The following KLHL32 variants were observed in gnomAD, a reference collection of about 807,000 sequenced individuals.
KLHL32 encodes the protein kelch-like protein 32.
KLHL32 carries 35 observed loss-of-function variants against 64.8 expected under a neutral mutation model. That is an observed-to-expected ratio of 0.54 (90% CI 0.41 to 0.72). The LOEUF is 0.72. KLHL32 is among the 30% of genes least tolerant of loss of function. The probability of loss-of-function intolerance (pLI) is 0.00; values close to 1 mark genes in which losing one functional copy is unlikely to be tolerated. For synonymous variants in KLHL32, 259 were observed against 281.0 expected, an observed-to-expected ratio of 0.92 and a Z score of 0.78; for missense variants, 589 against 768.5, an observed-to-expected ratio of 0.77 and a Z score of 2.76.
chr6:96,924,417 G>C (rs1307552905), upstream of KLHL32, among the ~76,000 whole-genome samples: 1 of 150,546 alleles, frequency 6.6e-6, no homozygotes, highest in African/African-American at 2.4e-5. Flanking sequence ...GGGCGGCGTG[G>C]AGGAGGGTAC....
At chr6:97,059,721 G>C (rs932565448) in intron 4 of KLHL32, among the ~76,000 whole-genome samples, 4 of 152,178 alleles carry the variant, frequency 2.6e-5, no homozygotes, top group Non-Finnish European at 2.9e-5. Flanking sequence ...CTCATAGCTA[G>C]ATAGATCTTG....
intron 7 of KLHL32, 67 bp from the exon 8 acceptor site, chr6:97,127,337 C>A (rs1252813385): frequency 7.7e-7 from 1 of 1,302,230 alleles, no homozygotes; most frequent in South Asian, 1.2e-5. Context: ...AATTGTATCT[C>A]ATTCTTATGT....
At chr6:96,991,773 A>G (rs944101313) in intron 3 of KLHL32, among the ~76,000 whole-genome samples, 1 of 152,018 alleles carries the variant, frequency 6.6e-6, no homozygotes, top group African/African-American at 2.4e-5. Context: ...CCCTTCCAAG[A>G]AAGTGCAGAG....
At chr6:96,983,143 GGT>G (rs1273317975) in intron 3 of KLHL32, among the ~76,000 whole-genome samples, 7 of 152,250 alleles carry the variant, frequency 4.6e-5, no homozygotes, top group Non-Finnish European at 1.5e-5. Context: ...ATAATCATGT[GGT>G]TTTTGTCATT....
chr6:97,085,132 A>C lies in KLHL32; in HGVS notation c.418A>C (p.Asn140His), dbSNP rs1296443377. ...LCSHYLIQEL[N>H]SFNYLDLYRL... Reference sequence around the variant, plus strand: ...TTTATTTTTTGGCACCCAGGAATTAAATAGCTTTAATTACTTGGATCTGTA... The same window carrying C: ...TTTATTTTTTGGCACCCAGGAATTACATAGCTTTAATTACTTGGATCTGTA... Residue 140 changes from asparagine to histidine, a missense_variant, in exon 6 of 11, where the codon AAT (asparagine) becomes CAT (histidine). Asn to His is a moderately conservative substitution (Grantham distance 68). Coordinates refer to ENST00000369261, the MANE Select transcript of KLHL32 (RefSeq NM_052904.4). 1 of 1,611,116 alleles carries C rather than the reference A, an allele frequency of 6.2e-7. No individual in the cohort carries two copies. The highest frequency in any genetic ancestry group is 2.2e-5 in the East Asian group (1 of 44,840).
chr6:97,019,103 A>G (rs926315799), intron 3 of KLHL32, among the ~76,000 whole-genome samples: 10 of 152,232 alleles, frequency 6.6e-5, no homozygotes, highest in African/African-American at 2.2e-4. Context: ...GCCTCCTCCT[A>G]TCATATACTT....
At chr6:97,126,257 A>T (rs1039154822) in intron 7 of KLHL32, among the ~76,000 whole-genome samples, 9 of 152,122 alleles carry the variant, frequency 5.9e-5, no homozygotes, top group Non-Finnish European at 8.8e-5. Flanking sequence ...ATTTCTAAAG[A>T]TAGATTTCTT....
chr6:96,983,700 T>G lies in KLHL32; in HGVS notation c.204+7523T>G, dbSNP rs181244652. Among the ~76,000 whole-genome samples, 1,090 of 152,326 alleles carry G rather than the reference T, an allele frequency of 7.2e-3. 26 individuals carry two copies. Among genetic ancestry groups the G allele is most frequent in the African/African-American group, 0.025 (1,043 of 41,580 alleles). ...GTTTATAGTGTTCTCTGATGGTAGT[T>G]TGTATTTCTGTGGGATCGGTGGTGA... On this transcript the variant is annotated intron_variant, in intron 3 of 10. Transcript: ENST00000369261.
chr6:97,098,525 TA>T (rs553574779), intron 6 of KLHL32, among the ~76,000 whole-genome samples: 1 of 152,350 alleles, frequency 6.6e-6, no homozygotes, highest in Non-Finnish European at 1.5e-5. Flanking sequence ...ATTTTCACAT[TA>T]TTTTTTTCTT....
At chr6:97,049,257 C>G (rs1786436792) in intron 4 of KLHL32, among the ~76,000 whole-genome samples, 1 of 152,066 alleles carries the variant, frequency 6.6e-6, no homozygotes, top group Non-Finnish European at 1.5e-5. Context: ...AACAATACAC[C>G]AGCATCACTT....
chr6:96,940,169 A>G (rs1771111627), intron 1 of KLHL32, among the ~76,000 whole-genome samples: 1 of 152,148 alleles, frequency 6.6e-6, no homozygotes, highest in Non-Finnish European at 1.5e-5. Flanking sequence ...ATTAAATTTG[A>G]GCTGTCTTTA....
At chr6:96,942,443 T>C (rs1231646331) in intron 1 of KLHL32, among the ~76,000 whole-genome samples, 3 of 152,244 alleles carry the variant, frequency 2.0e-5, no homozygotes, top group Non-Finnish European at 4.4e-5. Flanking sequence ...TCCCTTGTTC[T>C]AGACATCTTC....
intron 1 of KLHL32, among the ~76,000 whole-genome samples, chr6:96,963,566 A>G (rs1774108295): frequency 6.6e-6 from 1 of 152,098 alleles, no homozygotes; most frequent in Non-Finnish European, 1.5e-5. Flanking sequence ...GAGGAGGCAT[A>G]TTTTGGGGTG....
At chr6:97,066,075 A>G (rs1221824117) in intron 5 of KLHL32, among the ~76,000 whole-genome samples, 1 of 152,174 alleles carries the variant, frequency 6.6e-6, no homozygotes, top group Non-Finnish European at 1.5e-5. Flanking sequence ...GCCTGTAGCA[A>G]ATGGGAATCA....
intron 4 of KLHL32, among the ~76,000 whole-genome samples, chr6:97,052,553 G>A (rs938284573): frequency 6.6e-6 from 1 of 152,188 alleles, no homozygotes; most frequent in Non-Finnish European, 1.5e-5. Context: ...ACCCAGCAGG[G>A]CATTCCGGCG....
At position 97,064,656 on chromosome 6, in the gene KLHL32, A is replaced by G. The variant is rs1289649187; in HGVS notation, c.341A>G (p.Asp114Gly). ...QILLEPGVIQ[D>G]VLAAGSHLQL... ...TTGCTGGAGCCAGGTGTGATCCAGG[A>G]TGTGCTAGCAGCGGGCAGTCACCTA... Residue 114 changes from aspartate to glycine, a missense_variant, in exon 5 of 11, where the codon GAT (aspartate) becomes GGT (glycine). Coordinates refer to ENST00000369261, the MANE Select transcript of KLHL32 (RefSeq NM_052904.4). 2.5e-6 allele frequency: 4 copies of G among 1,614,174 alleles called. No individual in the cohort carries two copies. The highest frequency in any genetic ancestry group is 1.1e-5 in the South Asian group (1 of 91,070).
chr6:97,004,281 G>A (rs766881973), intron 3 of KLHL32, among the ~76,000 whole-genome samples: 4 of 152,092 alleles, frequency 2.6e-5, no homozygotes, highest in Non-Finnish European at 4.4e-5. Context: ...CAGCTTGGAC[G>A]TTGTTGGTGT....
intron 3 of KLHL32, among the ~76,000 whole-genome samples, chr6:97,012,129 C>T (rs1210127549): frequency 6.6e-6 from 1 of 152,150 alleles, no homozygotes; most frequent in East Asian, 1.9e-4. Flanking sequence ...CTGAGTACTC[C>T]CTGTTCATGT....
chr6:97,041,683 G>A (rs1318533254), intron 4 of KLHL32, 84 bp downstream of exon 4: 1 of 765,238 alleles, frequency 1.3e-6, no homozygotes, highest in Non-Finnish European at 2.2e-6. Flanking sequence ...ATGAGATTTA[G>A]TTATTGTTCT....
Sources: gnomAD v4.1 joint callset for allele counts (sites outside exome capture counted in the v4.1 genomes callset) on GRCh38, gnomAD v4.1.1 for gene constraint, MANE v1.5 for transcripts, NCBI Gene and HGNC (gene_info 2026-07-23, HGNC 2026-07-21) for gene names.